The following AFF2 variants were observed in gnomAD, a reference collection of about 807,000 sequenced individuals.
AFF2 encodes the protein ALF transcription elongation factor 2.
Under a neutral mutation model 76.9 loss-of-function variants are expected in AFF2, and 14 were observed. That is an observed-to-expected ratio of 0.18 (90% CI 0.12 to 0.28). The LOEUF is 0.28. Among genes scored for constraint, AFF2 ranks in the 10% least tolerant of loss-of-function variants. The probability of loss-of-function intolerance (pLI) is 1.00; values close to 1 mark genes in which losing one functional copy is unlikely to be tolerated. For synonymous variants in AFF2, 398 were observed against 366.7 expected, an observed-to-expected ratio of 1.09 and a Z score of -0.98; for missense variants, 868 against 1,001.1, an observed-to-expected ratio of 0.87 and a Z score of 1.79.
chrX:148,660,184 A>G (rs1557257553), intron 2 of AFF2, among the ~76,000 whole-genome samples: 1 of 111,811 alleles, frequency 8.9e-6, no homozygotes, highest in Non-Finnish European at 1.9e-5. Flanking sequence ...GAAGTGTCTC[A>G]TATGGTTTCA....
chrX:148,977,080 A>G lies in AFF2; in HGVS notation c.3405-853A>G, dbSNP rs1476319832. ...GCAGGCTTTCTGTCGCCTTCTTATA[A>G]ATGAGAACTTTCAACTTCCTTCTGC... On this transcript the variant is annotated intron_variant, in intron 16 of 20. Coordinates refer to ENST00000370460, the MANE Select transcript of AFF2 (RefSeq NM_002025.4). 2.7e-5 allele frequency among the ~76,000 whole-genome samples: 3 copies of G among 112,116 alleles called. No homozygotes were observed. The East Asian group carries it at 8.4e-4, about 32-fold the overall frequency.
intron 1 of AFF2, among the ~76,000 whole-genome samples, chrX:148,617,654 C>T (rs1450216169): frequency 8.9e-6 from 1 of 112,374 alleles, no homozygotes; most frequent in Non-Finnish European, 1.9e-5. Context: ...CATGCAAAGA[C>T]CCCTTGAATG....
chrX:148,538,387 G>A (rs2052811099), intron 1 of AFF2, among the ~76,000 whole-genome samples: 1 of 111,734 alleles, frequency 8.9e-6, no homozygotes, highest in African/African-American at 3.3e-5. Flanking sequence ...GCTTCTAGGT[G>A]AAGGCCATGC....
At chrX:148,543,426 T>C (rs1340968465) in intron 1 of AFF2, among the ~76,000 whole-genome samples, 2 of 111,213 alleles carry the variant, frequency 1.8e-5, no homozygotes, top group African/African-American at 6.5e-5. Context: ...ATATTTCTGC[T>C]TGTTCAACCT....
intron 3 of AFF2, among the ~76,000 whole-genome samples, chrX:148,741,006 A>G (rs1362784005): frequency 8.9e-6 from 1 of 111,940 alleles, no homozygotes; most frequent in East Asian, 2.8e-4. Context: ...TGAACTGTCT[A>G]TGGGTCTCTC....
intron 1 of AFF2, among the ~76,000 whole-genome samples, chrX:148,515,328 T>A (rs1211646180): frequency 2.7e-5 from 3 of 112,189 alleles, no homozygotes; most frequent in Admixed American, 9.5e-5. Context: ...ATTTAAATTG[T>A]AGAATTATTA....
At chrX:148,711,584 G>A (rs890407662) in intron 3 of AFF2, among the ~76,000 whole-genome samples, 4 of 112,140 alleles carry the variant, frequency 3.6e-5, no homozygotes, top group Non-Finnish European at 5.6e-5. Flanking sequence ...AACCATGCCT[G>A]CTCTAAAACT....
At position 148,900,787 on chromosome X, in the gene AFF2, A is replaced by T. The variant is rs190687040; in HGVS notation, c.1360-3434A>T. Among the ~76,000 whole-genome samples the T allele has an allele frequency of 6.2e-5, 7 of 112,205 alleles. No individual in the cohort carries two copies. In the East Asian group the frequency reaches 2.0e-3, roughly 32 times the overall value. ...AAAGAGAGGTCTGTAGAATCTAAAC[A>T]TATCAAAGTCTTCTGTGAATAGCAC... On this transcript the variant is annotated intron_variant, in intron 8 of 20. Transcript: ENST00000370460.
At chrX:148,845,037 AC>A (rs1423032406) in intron 7 of AFF2, among the ~76,000 whole-genome samples, 1 of 110,397 alleles carries the variant, frequency 9.1e-6, no homozygotes, top group Admixed American at 9.7e-5. Context: ...ATTCTAGGAA[AC>A]AATAGATCTA....
intron 2 of AFF2, among the ~76,000 whole-genome samples, chrX:148,654,418 G>A (rs2054231320): frequency 9.0e-6 from 1 of 111,499 alleles, no homozygotes; most frequent in Non-Finnish European, 1.9e-5. Flanking sequence ...GACAGTCAAT[G>A]TAGATATGAT....
chrX:148,998,456 A>AT lies in AFF2; in HGVS notation c.*7124_*7125insT, dbSNP rs1490844977. Reference sequence around the variant, plus strand: ...CCCTGGAAAGGCATGCTGTATTATGAAATCGTGATAATATAACTGCATTAT... The same window carrying AT: ...CCCTGGAAAGGCATGCTGTATTATGATAATCGTGATAATATAACTGCATTAT... On this transcript the variant is annotated 3_prime_UTR_variant, in exon 21 of 21. Transcript: ENST00000370460. 8.9e-6 allele frequency: 1 copy of AT among 112,844 alleles called. No individual in the cohort carries two copies. Among genetic ancestry groups the AT allele is most frequent in the Non-Finnish European group, 1.9e-5 (1 of 53,342 alleles). 9.3% of individuals were successfully genotyped at this position (112,844 alleles called of 1,213,427 possible).
intron 3 of AFF2, among the ~76,000 whole-genome samples, chrX:148,758,670 G>A (rs891627625): frequency 1.5e-4 from 17 of 111,489 alleles, no homozygotes; most frequent in Non-Finnish European, 3.2e-4. Flanking sequence ...ATTATAGAAC[G>A]TGATTACATT....
chrX:148,765,182 G>A (rs140550337), intron 3 of AFF2, among the ~76,000 whole-genome samples: 2 of 111,521 alleles, frequency 1.8e-5, no homozygotes, highest in Admixed American at 9.5e-5. Context: ...CACCATGCCC[G>A]GCCAATCTTA....
At chrX:148,723,197 G>C (rs1368784843) in intron 3 of AFF2, among the ~76,000 whole-genome samples, 3 of 112,014 alleles carry the variant, frequency 2.7e-5, no homozygotes, top group African/African-American at 9.7e-5. Flanking sequence ...ATGTTCATGG[G>C]CTGGACAGTA....
At chrX:148,953,171 C>T (rs1341568787) in intron 9 of AFF2, among the ~76,000 whole-genome samples, 2 of 111,810 alleles carry the variant, frequency 1.8e-5, no homozygotes, top group African/African-American at 3.3e-5. Flanking sequence ...CTTGACGAAC[C>T]TGTGGGGTAT....
chrX:148,877,805 T>C (rs1350028975), intron 7 of AFF2, among the ~76,000 whole-genome samples: 4 of 112,198 alleles, frequency 3.6e-5, no homozygotes, highest in African/African-American at 1.3e-4. Flanking sequence ...TCAGCAGGTA[T>C]GAGTTGTAGT....
rs2124413266 is a variant in AFF2 at position 148,978,469 on chromosome X, T to G, written c.3570+14T>G. 1 of 1,067,700 alleles carries G rather than the reference T, an allele frequency of 9.4e-7. No individual in the cohort carries two copies. The highest frequency in any genetic ancestry group is 3.0e-5 in the East Asian group (1 of 33,172). 88.0% of individuals were successfully genotyped at this position (1,067,700 alleles called of 1,213,427 possible). Reference sequence around the variant, plus strand: ...GAATATTTTAAGGTAATGCTTATTTTGTATAATTTATAGGTACAGGATGAT... The same window carrying G: ...GAATATTTTAAGGTAATGCTTATTTGGTATAATTTATAGGTACAGGATGAT... On this transcript the variant is annotated intron_variant, in intron 18 of 20. Coordinates refer to ENST00000370460, the MANE Select transcript of AFF2 (RefSeq NM_002025.4).
intron 7 of AFF2, among the ~76,000 whole-genome samples, chrX:148,848,383 T>C (rs1238273257): frequency 1.8e-5 from 2 of 112,329 alleles, no homozygotes; most frequent in South Asian, 3.7e-4. Flanking sequence ...TTTAGATCAA[T>C]TTTGAAAATA....
intron 3 of AFF2, among the ~76,000 whole-genome samples, chrX:148,708,579 G>T (rs1408079768): frequency 1.8e-5 from 2 of 112,104 alleles, no homozygotes; most frequent in Non-Finnish European, 3.8e-5. Flanking sequence ...GGGTCAACTT[G>T]TTTGTTTAAA....
Sources: allele counts gnomAD v4.1 joint callset (sites outside exome capture counted in the v4.1 genomes callset), GRCh38; gene constraint gnomAD v4.1.1; transcripts MANE v1.5; gene names NCBI Gene and HGNC (gene_info 2026-07-23, HGNC 2026-07-21).